The following DMD variants were observed in gnomAD, a reference collection of about 807,000 sequenced individuals.
DMD encodes dystrophin.
In DMD, 63 loss-of-function variants were observed where a neutral mutation model predicts 330.1. The observed-to-expected ratio is 0.19, with a 90% CI of 0.16 to 0.24. The LOEUF is 0.24. Among genes scored for constraint, DMD ranks in the 10% least tolerant of loss-of-function variants. The pLI, the probability that DMD is intolerant of heterozygous loss-of-function variation, is 1.00. For missense variants in DMD, 3,344 were observed against 2,684.1 expected (o/e 1.25, Z -5.43); for synonymous variants, 1,223 against 959.8 (o/e 1.27, Z -5.07).
chrX:31,461,317 G>A (rs974665418), intron 59 of DMD, among the ~76,000 whole-genome samples: 1 of 111,923 alleles, frequency 8.9e-6, no homozygotes, highest in African/African-American at 3.2e-5. Context: ...CTCTGAACCA[G>A]CAGCATCATG....
rs199527400 is a variant in DMD, at chrX:32,360,800, A to AAATAATAATAATAATAAT, written c.5325+1970_5325+1987dup. On this transcript the variant is annotated intron_variant, in intron 37 of 78. Transcript: ENST00000357033. ...AGTCTCCACCACACACACACACACA[A>AAATAATAATAATAATAAT]AATAATAATAATAATAATAATAATA... Among the ~76,000 whole-genome samples, 812 of 95,923 alleles carry AAATAATAATAATAATAAT rather than the reference A, an allele frequency of 8.5e-3. 8 individuals carry two copies. The highest frequency in any genetic ancestry group is 0.028 in the African/African-American group (714 of 25,670). 83.3% of individuals were successfully genotyped at this position (95,923 alleles called of 115,157 possible).
intron 1 of DMD, among the ~76,000 whole-genome samples, chrX:33,272,687 C>T (rs1310730838): frequency 9.4e-6 from 1 of 106,702 alleles, no homozygotes; most frequent in African/African-American, 3.4e-5. Context: ...AACACACACA[C>T]ACAAGAAAAT....
At chrX:31,247,270 A>G (rs964314836) in intron 63 of DMD, among the ~76,000 whole-genome samples, 8 of 111,541 alleles carry the variant, frequency 7.2e-5, no homozygotes, top group African/African-American at 2.6e-4. Flanking sequence ...CTTGACATAG[A>G]CAGTGATTCC....
intron 44 of DMD, among the ~76,000 whole-genome samples, chrX:32,192,842 A>G (rs1324937116): frequency 8.9e-6 from 1 of 112,131 alleles, no homozygotes; most frequent in Non-Finnish European, 1.9e-5. Context: ...ACAAAGTAAA[A>G]TCACTGTTAC....
intron 2 of DMD, among the ~76,000 whole-genome samples, chrX:32,931,552 T>TA (rs765512967): frequency 8.9e-6 from 1 of 111,809 alleles, no homozygotes; most frequent in South Asian, 3.7e-4. Context: ...TTTTTATGGC[T>TA]AAGGTCAGTG....
chrX:32,973,028 G>T (rs2092437309), intron 2 of DMD, among the ~76,000 whole-genome samples: 1 of 111,747 alleles, frequency 8.9e-6, no homozygotes, highest in Non-Finnish European at 1.9e-5. Flanking sequence ...GCTATATAAT[G>T]TATGTTTCCT....
chrX:31,585,157 C>CA (rs1336548728), intron 55 of DMD, among the ~76,000 whole-genome samples: 1 of 106,852 alleles, frequency 9.4e-6, no homozygotes, highest in African/African-American at 3.4e-5. Context: ...CCCATCTCTG[C>CA]AAAAAAATAC....
At chrX:31,523,160 C>T (rs1242087178) in intron 55 of DMD, among the ~76,000 whole-genome samples, 2 of 111,449 alleles carry the variant, frequency 1.8e-5, no homozygotes, top group Non-Finnish European at 3.8e-5. Flanking sequence ...GATGCCGATA[C>T]TGCTAGTCCA....
chrX:31,816,611 C>T (rs1257344404), intron 50 of DMD, among the ~76,000 whole-genome samples: 2 of 109,756 alleles, frequency 1.8e-5, no homozygotes, highest in Non-Finnish European at 3.8e-5. Context: ...CCAGCCTGAT[C>T]AACATGGAGC....
chrX:33,012,876 T>C (rs934871674), intron 2 of DMD, among the ~76,000 whole-genome samples: 1 of 111,127 alleles, frequency 9.0e-6, no homozygotes, highest in Non-Finnish European at 1.9e-5. Context: ...ACCACACAAG[T>C]TGAGGGGCAT....
intron 41 of DMD, among the ~76,000 whole-genome samples, chrX:32,319,464 AAGAT>A (rs1399605200): frequency 2.7e-5 from 3 of 111,943 alleles, no homozygotes; most frequent in Admixed American, 9.5e-5. Context: ...GGATAATTAT[AAGAT>A]AGATATGTGG....
At chrX:32,639,330 C>T (rs1340738520) in intron 11 of DMD, among the ~76,000 whole-genome samples, 1 of 111,024 alleles carries the variant, frequency 9.0e-6, no homozygotes. Context: ...GTGTGTTTTT[C>T]TTCCGAATTC....
chrX:32,448,131 A>G lies in DMD; in HGVS notation c.3786+325T>C, dbSNP rs1013378066. On this transcript the variant is annotated intron_variant, in intron 27 of 78. Transcript: ENST00000357033. ...TTGTCTATAAATCTGGAGAAAATTT[A>G]TAGGATTTTATGACCTAATAATAGT... 1.2e-4 allele frequency among the ~76,000 whole-genome samples: 13 copies of G among 111,267 alleles called. No individual in the cohort carries two copies. The East Asian group carries it at 1.4e-3, about 12-fold the overall frequency.
At chrX:32,997,116 T>G (rs1165744874) in intron 2 of DMD, among the ~76,000 whole-genome samples, 2 of 111,542 alleles carry the variant, frequency 1.8e-5, no homozygotes, top group Non-Finnish European at 3.8e-5. Flanking sequence ...TAGTGTACAT[T>G]GTACCTAATA....
intron 47 of DMD, among the ~76,000 whole-genome samples, chrX:31,897,273 T>G (rs1219629203): frequency 1.8e-5 from 2 of 111,936 alleles, no homozygotes; most frequent in African/African-American, 3.2e-5. Context: ...TATGGCTGCA[T>G]AGTATTGCAT....
rs765720076 is a variant in DMD, at chrX:32,493,845, C to T, written c.2381-2327G>A. On this transcript the variant is annotated intron_variant, in intron 19 of 78. Coordinates refer to ENST00000357033, the MANE Select transcript of DMD (RefSeq NM_004006.3). Reference sequence around the variant, plus strand: ...ATTTTCAGCATATGTTGAACTTGAACAAGCAGTTAGAAGTCCATGAAGGGT... The same window carrying T: ...ATTTTCAGCATATGTTGAACTTGAATAAGCAGTTAGAAGTCCATGAAGGGT... 2.2e-3 allele frequency among the ~76,000 whole-genome samples: 248 copies of T among 111,082 alleles called. 5 individuals are homozygous for T. Among genetic ancestry groups the T allele is most frequent in the African/African-American group, 7.4e-3 (228 of 30,640 alleles).
intron 7 of DMD, among the ~76,000 whole-genome samples, chrX:32,740,808 C>A (rs1437969412): frequency 9.0e-6 from 1 of 111,207 alleles, no homozygotes; most frequent in Non-Finnish European, 1.9e-5. Context: ...TTCTCATAGA[C>A]TTGCTGGGTA....
intron 29 of DMD, among the ~76,000 whole-genome samples, chrX:32,436,303 T>A (rs1414741364): frequency 2.7e-5 from 3 of 112,074 alleles, no homozygotes; most frequent in Non-Finnish European, 5.6e-5. Flanking sequence ...TTATTTGTGT[T>A]AAACCATCTC....
At chrX:32,200,802 A>G (rs1252380230) in intron 44 of DMD, among the ~76,000 whole-genome samples, 1 of 111,809 alleles carries the variant, frequency 8.9e-6, no homozygotes, top group Non-Finnish European at 1.9e-5. Flanking sequence ...CTCAATTAGT[A>G]CTAGCCGCAT....
Sources: gnomAD v4.1 joint callset for allele counts (sites outside exome capture counted in the v4.1 genomes callset) on GRCh38, gnomAD v4.1.1 for gene constraint, MANE v1.5 for transcripts, NCBI Gene and HGNC (gene_info 2026-07-23, HGNC 2026-07-21) for gene names.